Variants in ANKS1B observed in about 807,000 individuals in gnomAD.
The protein encoded by ANKS1B is ankyrin repeat and sterile alpha motif domain-containing protein 1B.
ANKS1B carries 36 observed loss-of-function variants against 148.3 expected under a neutral mutation model. The observed-to-expected ratio is 0.24, with a 90% CI of 0.19 to 0.32. The LOEUF is 0.32. Ranked by LOEUF, ANKS1B falls within the 10% of genes least tolerant of loss-of-function variation. The pLI, the probability that ANKS1B is intolerant of heterozygous loss-of-function variation, is 1.00. For missense variants in ANKS1B, 1,157 were observed against 1,542.6 expected (o/e 0.75, Z 4.19); for synonymous variants, 542 against 560.8 (o/e 0.97, Z 0.47).
chr12:99,898,649 A>G (rs2093474986), intron 1 of ANKS1B, among the ~76,000 whole-genome samples: 1 of 152,178 alleles, frequency 6.6e-6, no homozygotes, highest in South Asian at 2.1e-4. Context: ...TTTGCTACAT[A>G]TAATGGGTAA....
chr12:98,932,696 G>A (rs2099814771), intron 17 of ANKS1B, among the ~76,000 whole-genome samples: 1 of 152,132 alleles, frequency 6.6e-6, no homozygotes, highest in Non-Finnish European at 1.5e-5. Context: ...CCTGTGTGAT[G>A]TTAATATATA....
chr12:99,971,149 A>G (rs1361161032), intron 1 of ANKS1B, among the ~76,000 whole-genome samples: 3 of 152,194 alleles, frequency 2.0e-5, no homozygotes, highest in Admixed American at 6.5e-5. Flanking sequence ...ACATATATAT[A>G]TACACACACA....
chr12:99,519,926 C>T (rs1465488671), intron 9 of ANKS1B, among the ~76,000 whole-genome samples: 1 of 152,102 alleles, frequency 6.6e-6, no homozygotes, highest in African/African-American at 2.4e-5. Flanking sequence ...CTTAAACAAA[C>T]ATGCAAAAAG....
At chr12:99,282,381 C>G (rs2154001047) in intron 12 of ANKS1B, among the ~76,000 whole-genome samples, 1 of 152,254 alleles carries the variant, frequency 6.6e-6, no homozygotes, top group East Asian at 1.9e-4. Flanking sequence ...TCATGTAAAC[C>G]TTGCCTTACT....
chr12:99,394,395 C>T (rs1361522446), intron 12 of ANKS1B, among the ~76,000 whole-genome samples: 2 of 152,090 alleles, frequency 1.3e-5, no homozygotes. Context: ...CTTAAAAATT[C>T]CCCTGTGAAG....
chr12:99,207,653 G>A (rs1024902564), intron 14 of ANKS1B, among the ~76,000 whole-genome samples: 1 of 151,896 alleles, frequency 6.6e-6, no homozygotes, highest in Non-Finnish European at 1.5e-5. Context: ...CTTACTAAGG[G>A]TTAAAAATTC....
intron 11 of ANKS1B, among the ~76,000 whole-genome samples, chr12:99,409,721 A>C (rs924970935): frequency 3.9e-5 from 6 of 152,192 alleles, no homozygotes; most frequent in Non-Finnish European, 7.4e-5. Context: ...GAAAAGAATA[A>C]AGAGATGGTC....
chr12:99,584,606 A>G (rs2097607836), intron 9 of ANKS1B, among the ~76,000 whole-genome samples: 1 of 143,610 alleles, frequency 7.0e-6, no homozygotes. Flanking sequence ...TGAGAGAGAA[A>G]TATATATATA....
At chr12:99,479,044 C>A (rs1341544605) in intron 10 of ANKS1B, among the ~76,000 whole-genome samples, 1 of 151,946 alleles carries the variant, frequency 6.6e-6, no homozygotes, top group Non-Finnish European at 1.5e-5. Context: ...ACTATGTCTT[C>A]ATAATCAGAT....
At chr12:98,945,521 A>C (rs1400844323) in intron 17 of ANKS1B, among the ~76,000 whole-genome samples, 35 of 150,932 alleles carry the variant, frequency 2.3e-4, no homozygotes, top group Non-Finnish European at 4.1e-4. Context: ...AAAAAAAAAA[A>C]AAAAAAAAAA....
chr12:99,613,720 G>A (rs73383774), intron 9 of ANKS1B, among the ~76,000 whole-genome samples: 1 of 152,012 alleles, frequency 6.6e-6, no homozygotes, highest in African/African-American at 2.4e-5. Context: ...AGGGTAGGAG[G>A]AGGGAGAGGA....
intron 16 of ANKS1B, among the ~76,000 whole-genome samples, chr12:99,068,386 T>C (rs2045184005): frequency 6.6e-6 from 1 of 152,194 alleles, no homozygotes; most frequent in African/African-American, 2.4e-5. Context: ...CATGTTACTG[T>C]ACTGAAAACT....
intron 8 of ANKS1B, among the ~76,000 whole-genome samples, chr12:99,691,267 G>C (rs60153400): frequency 0.015 from 2,317 of 152,274 alleles, 61 homozygotes; most frequent in African/African-American, 0.053. Flanking sequence ...GAACGTCTCT[G>C]ATATGCCCTG....
intron 1 of ANKS1B, among the ~76,000 whole-genome samples, chr12:99,916,865 T>A (rs1215918577): frequency 6.6e-6 from 1 of 152,224 alleles, no homozygotes. Context: ...TAAATTTATT[T>A]TTGTAAGTCG....
intron 16 of ANKS1B, among the ~76,000 whole-genome samples, chr12:99,078,930 T>C (rs2048747328): frequency 6.6e-6 from 1 of 152,244 alleles, no homozygotes; most frequent in Non-Finnish European, 1.5e-5. Flanking sequence ...TAGCACTTTC[T>C]TGTCTTCTCA....
At chr12:99,824,112 T>A (rs2082856263) in intron 2 of ANKS1B, among the ~76,000 whole-genome samples, 1 of 152,246 alleles carries the variant, frequency 6.6e-6, no homozygotes, top group Admixed American at 6.5e-5. Context: ...TAGAATAGTT[T>A]TTTCCTAGTT....
chr12:99,136,042 T>C (rs748952160), intron 15 of ANKS1B, among the ~76,000 whole-genome samples: 1 of 151,918 alleles, frequency 6.6e-6, no homozygotes, highest in African/African-American at 2.4e-5. Context: ...AAAGTAAAGA[T>C]AGGAAATGCA....
rs141358796 is a variant in ANKS1B at position 98,832,223 on chromosome 12, T to G, written c.2779-87A>C. ...TAAAACATGTGGGGTGAAAAAAGAT[T>G]TGTGCAAAGTTACTCCTGCACCATG... On this transcript the variant is annotated intron_variant, in intron 17 of 26. Coordinates refer to ENST00000683438, the MANE Select transcript of ANKS1B (RefSeq NM_001352186.2). 2.3e-5 allele frequency: 25 copies of G among 1,066,508 alleles called. No homozygotes were observed. In the African/African-American group the frequency reaches 4.0e-4, roughly 17 times the overall value. The allele number at this position is 1,066,508 out of a possible 1,614,324, so 66.1% of individuals were successfully genotyped here. A position where few individuals can be genotyped will look rare whatever the true frequency, so the allele number is the denominator to read the frequency against.
chr12:99,509,664 C>T (rs945694448), intron 9 of ANKS1B, among the ~76,000 whole-genome samples: 1 of 151,954 alleles, frequency 6.6e-6, no homozygotes, highest in Non-Finnish European at 1.5e-5. Context: ...CATAAAAGTG[C>T]AAGGTGAAGC....
Sources: allele counts gnomAD v4.1 joint callset (sites outside exome capture counted in the v4.1 genomes callset), GRCh38; gene constraint gnomAD v4.1.1; transcripts MANE v1.5; gene names NCBI Gene and HGNC (gene_info 2026-07-23, HGNC 2026-07-21).